The following UGT1A9 variants were observed in gnomAD, a reference collection of about 807,000 sequenced individuals.
UGT1A9 encodes UDP glucuronosyltransferase family 1 member A9.
UGT1A9 carries 35 observed loss-of-function variants against 45.0 expected under a neutral mutation model. That is an observed-to-expected ratio of 0.78 (90% CI 0.59 to 1.03). The LOEUF (loss-of-function observed/expected upper bound fraction) is 1.03, where lower values mean the gene tolerates loss of function less well. UGT1A9 is among the 50% of genes least tolerant of loss of function. UGT1A9 has a pLI of 0.00. For missense variants in UGT1A9, 687 were observed against 666.6 expected, an observed-to-expected ratio of 1.03 and a Z score of -0.34; for synonymous variants, 278 against 250.6, an observed-to-expected ratio of 1.11 and a Z score of -1.03.
In UGT1A9 at chr2:233,683,409, C is replaced by T. The variant is rs189182574; in HGVS notation, c.855+10620C>T. Among the ~76,000 whole-genome samples, 90 of 152,140 alleles carry T rather than the reference C, an allele frequency of 5.9e-4. 1 individual carries two copies. The highest frequency in any genetic ancestry group is 5.2e-3 in the Admixed American group (79 of 15,282). On this transcript the variant is annotated intron_variant, in intron 1 of 4. Coordinates refer to ENST00000354728, the MANE Select transcript of UGT1A9 (RefSeq NM_021027.3). The stretch of plus-strand genomic sequence containing the variant: ...GATTGATAGAGATTTAAGTGTTTTC[C>T]ACTTTTGGGGTTTATGAGCAATAAT...
intron 1 of UGT1A9, among the ~76,000 whole-genome samples, chr2:233,758,021 T>C (rs949274852): frequency 2.0e-5 from 3 of 152,156 alleles, no homozygotes; most frequent in African/African-American, 7.2e-5. Context: ...TGTCTCTGTC[T>C]ACCTGACCCC....
intron 1 of UGT1A9, among the ~76,000 whole-genome samples, chr2:233,689,462 A>G (rs2074944838): frequency 6.6e-6 from 1 of 152,236 alleles, no homozygotes; most frequent in South Asian, 2.1e-4. Flanking sequence ...CATTTTAGGA[A>G]AACAGAAGTT....
intron 1 of UGT1A9, chr2:233,743,003 T>C (rs1559386473): frequency 4.2e-6 from 1 of 238,432 alleles, no homozygotes; most frequent in Non-Finnish European, 8.3e-6. Context: ...TGCATACAGA[T>C]ATTTTACAAC....
At chr2:233,695,097 G>GT (rs948360141) in intron 1 of UGT1A9, among the ~76,000 whole-genome samples, 12 of 148,828 alleles carry the variant, frequency 8.1e-5, no homozygotes, top group Admixed American at 7.3e-4. Flanking sequence ...ATCTAATGGT[G>GT]TTTTTGTGCC....
chr2:233,694,994 A>G (rs1243890863), intron 1 of UGT1A9, among the ~76,000 whole-genome samples: 2 of 152,138 alleles, frequency 1.3e-5, no homozygotes, highest in South Asian at 2.1e-4. Context: ...GAACATTCCC[A>G]TTCTTCATTT....
chr2:233,735,687 T>A (rs1251778606), intron 1 of UGT1A9, among the ~76,000 whole-genome samples: 1 of 152,148 alleles, frequency 6.6e-6, no homozygotes, highest in Non-Finnish European at 1.5e-5. Context: ...CTTTAGGAGC[T>A]CTTGTAAGGC....
chr2:233,732,988 A>G (rs1229388151), intron 1 of UGT1A9, among the ~76,000 whole-genome samples: 2 of 152,034 alleles, frequency 1.3e-5, no homozygotes, highest in Non-Finnish European at 2.9e-5. Flanking sequence ...TATTTCGTTG[A>G]GCAGTGGTTT....
In UGT1A9 at chr2:233,754,967, C is replaced by T. The variant is rs562774815; in HGVS notation, c.856-12067C>T. ...ATGGGTCCCGGCCGCCAAAGAACTC[C>T]CTGAAGACCTCGGCGGGGTCACGGA... On this transcript the variant is annotated intron_variant, in intron 1 of 4. Coordinates refer to ENST00000354728, the MANE Select transcript of UGT1A9 (RefSeq NM_021027.3). 6 of 1,302,806 alleles carry T rather than the reference C, an allele frequency of 4.6e-6. No homozygotes were observed. In the African/African-American group the frequency reaches 7.5e-5, roughly 16 times the overall value. 80.7% of individuals were successfully genotyped at this position (1,302,806 alleles called of 1,614,324 possible). A position where few individuals can be genotyped will look rare whatever the true frequency, so the allele number is the denominator to read the frequency against.
chr2:233,719,136 C>T (rs2076730014), intron 1 of UGT1A9: 26 of 1,614,246 alleles, frequency 1.6e-5, no homozygotes, highest in Non-Finnish European at 2.0e-5. Context: ...AACAGAACAT[C>T]TTCTGAAGAG....
intron 1 of UGT1A9, among the ~76,000 whole-genome samples, chr2:233,751,264 C>T (rs796592770): frequency 6.6e-6 from 1 of 151,872 alleles, no homozygotes; most frequent in East Asian, 1.9e-4. Context: ...CTGTAGCCCC[C>T]TTTTTTTGGC....
At chr2:233,743,189 T>C in intron 1 of UGT1A9, 3 of 374,868 alleles carry the variant, frequency 8.0e-6, no homozygotes, top group Non-Finnish European at 1.6e-5. Context: ...GGACTGGAAT[T>C]ACTTGGTGTC....
chr2:233,714,260 AC>A (rs1294161130), intron 1 of UGT1A9, among the ~76,000 whole-genome samples: 1 of 152,230 alleles, frequency 6.6e-6, no homozygotes, highest in Non-Finnish European at 1.5e-5. Flanking sequence ...ATAGAAATTT[AC>A]AATTGTTGAC....
intron 1 of UGT1A9, among the ~76,000 whole-genome samples, chr2:233,709,770 T>C (rs1158323937): frequency 1.3e-5 from 2 of 152,254 alleles, no homozygotes; most frequent in Non-Finnish European, 1.5e-5. Flanking sequence ...ATTATTTACA[T>C]GCAATAAAGT....
chr2:233,751,271 T>G (rs1694686966), intron 1 of UGT1A9, among the ~76,000 whole-genome samples: 2 of 151,964 alleles, frequency 1.3e-5, no homozygotes, highest in African/African-American at 4.9e-5. Flanking sequence ...CCCCTTTTTT[T>G]GGCCAGTTTC....
intron 1 of UGT1A9, among the ~76,000 whole-genome samples, chr2:233,715,235 G>A (rs1381956568): frequency 1.3e-5 from 2 of 152,090 alleles, no homozygotes; most frequent in Non-Finnish European, 2.9e-5. Flanking sequence ...CCAATTCTGT[G>A]AAGGATGTCT....
chr2:233,729,091 G>T (rs745755811), intron 1 of UGT1A9: 4 of 1,612,602 alleles, frequency 2.5e-6, no homozygotes, highest in African/African-American at 2.7e-5. Flanking sequence ...GGCACAGCGT[G>T]GGGTGGACAG....
At chr2:233,764,417 G>A (rs986717948) in intron 1 of UGT1A9, among the ~76,000 whole-genome samples, 1 of 152,168 alleles carries the variant, frequency 6.6e-6, no homozygotes, top group African/African-American at 2.4e-5. Context: ...TTTGCCCTGC[G>A]TGAATCTCCA....
intron 1 of UGT1A9, among the ~76,000 whole-genome samples, chr2:233,709,702 T>A (rs2125616518): frequency 6.6e-6 from 1 of 152,356 alleles, no homozygotes; most frequent in East Asian, 1.9e-4. Context: ...AATTTTGTTC[T>A]TTTTTAATTG....
intron 1 of UGT1A9, among the ~76,000 whole-genome samples, chr2:233,735,578 G>A (rs576016505): frequency 1.6e-4 from 25 of 152,112 alleles, no homozygotes; most frequent in Non-Finnish European, 2.9e-4. Context: ...TATTTTGCCC[G>A]TTAATTGATG....
Sources: gnomAD v4.1 joint callset for allele counts (sites outside exome capture counted in the v4.1 genomes callset) on GRCh38, gnomAD v4.1.1 for gene constraint, MANE v1.5 for transcripts, NCBI Gene and HGNC (gene_info 2026-07-23, HGNC 2026-07-21) for gene names.